Variants in TNFSF11 observed in about 807,000 individuals in gnomAD.
TNFSF11 encodes the protein tumor necrosis factor ligand superfamily member 11.
TNFSF11 carries 12 observed loss-of-function variants against 32.2 expected under a neutral mutation model. That is an observed-to-expected ratio of 0.37 (90% CI 0.24 to 0.60). TNFSF11 has a LOEUF of 0.60. Among genes scored for constraint, TNFSF11 ranks in the 20% least tolerant of loss-of-function variants. TNFSF11 has a pLI of 0.66. For synonymous variants in TNFSF11, 172 were observed against 152.1 expected, an observed-to-expected ratio of 1.13 and a Z score of -0.96; for missense variants, 345 against 398.0, an observed-to-expected ratio of 0.87 and a Z score of 1.13.
upstream of TNFSF11, among the ~76,000 whole-genome samples, chr13:42,573,651 T>C (rs1873151265): frequency 1.3e-5 from 2 of 152,160 alleles, no homozygotes; most frequent in Non-Finnish European, 2.9e-5. Context: ...GGGAAGGGGA[T>C]TGTGAAATTT....
At chr13:42,580,218 C>T (rs374815735) in intron 1 of TNFSF11, among the ~76,000 whole-genome samples, 5 of 152,240 alleles carry the variant, frequency 3.3e-5, no homozygotes, top group African/African-American at 9.6e-5. Context: ...TTATTGTTAC[C>T]CTTTACTTCA....
In TNFSF11 at chr13:42,606,866, C is replaced by T. The variant is rs1451082554; in HGVS notation, c.902C>T (p.Pro301Leu). ...GTCTCCAACCCCTCCTTACTGGATC[C>T]GGATCAGGATGCAACATACTTTGGG... The part of the protein sequence containing the change: ...IEVSNPSLLD[P>L]DQDATYFGAF... Residue 301 changes from proline (P) to leucine (L), a missense_variant, in exon 5 of 5, where the codon CCG (proline) becomes CTG (leucine). This residue lies in a region of TNFSF11 where 148 missense variants were observed against 216.0 expected (regional missense o/e 0.69). Coordinates refer to ENST00000398795, the MANE Select transcript of TNFSF11 (RefSeq NM_003701.4). 4 of 1,613,986 alleles carry T rather than the reference C, an allele frequency of 2.5e-6. No individual in the cohort carries two copies. In the African/African-American group the frequency reaches 4.0e-5, roughly 16 times the overall value.
At chr13:42,592,110 C>A (rs986010122) in intron 2 of TNFSF11, among the ~76,000 whole-genome samples, 1 of 152,152 alleles carries the variant, frequency 6.6e-6, no homozygotes, top group Non-Finnish European at 1.5e-5. Context: ...AAATATGTGG[C>A]GTTTGCCCTC....
chr13:42,606,305 A>G (rs1869448025), intron 4 of TNFSF11, among the ~76,000 whole-genome samples, 192 bp from the exon 5 acceptor site: 1 of 152,218 alleles, frequency 6.6e-6, no homozygotes, highest in African/African-American at 2.4e-5. Flanking sequence ...CGTAGCCTCT[A>G]CTGTGCCTAA....
At chr13:42,575,911 T>G (rs1288684907) in intron 1 of TNFSF11, among the ~76,000 whole-genome samples, 1 of 152,224 alleles carries the variant, frequency 6.6e-6, no homozygotes. Context: ...ATCCAGCATT[T>G]TGTTAATAAC....
intron 4 of TNFSF11, among the ~76,000 whole-genome samples, chr13:42,605,356 T>C (rs1869399408): frequency 6.6e-6 from 1 of 152,212 alleles, no homozygotes; most frequent in Non-Finnish European, 1.5e-5. Context: ...AGTATAAGTA[T>C]TTACAAAATC....
intron 4 of TNFSF11, among the ~76,000 whole-genome samples, chr13:42,603,570 T>C (rs751236011): frequency 9.2e-5 from 14 of 152,168 alleles, no homozygotes; most frequent in Non-Finnish European, 1.3e-4. Flanking sequence ...TTGCTCAGTT[T>C]CCTTCACTGA....
In TNFSF11 at chr13:42,606,723, T is replaced by C. The variant is rs1221447725; in HGVS notation, c.759T>C (p.His253=). 1.2e-6 allele frequency: 2 copies of C among 1,614,106 alleles called. No homozygotes were observed. The highest frequency in any genetic ancestry group is 4.5e-5 in the East Asian group (2 of 44,894). Residue 253 remains histidine (H), a synonymous_variant, in exon 5 of 5, where the codon CAT becomes CAC. Transcript: ENST00000398795. ...CCAGCATCAAAATCCCAAGTTCTCA[T>C]ACCCTGATGAAAGGAGGAAGCACCA... ...TKTSIKIPSS[H]TLMKGGSTKY...
chr13:42,596,025 T>G (rs918018134), intron 2 of TNFSF11, among the ~76,000 whole-genome samples: 4 of 152,128 alleles, frequency 2.6e-5, no homozygotes, highest in African/African-American at 9.7e-5. Flanking sequence ...TGGGGTGAAG[T>G]TTGGGTTCGT....
At chr13:42,589,854 T>A (rs937741240) in intron 2 of TNFSF11, among the ~76,000 whole-genome samples, 2 of 152,248 alleles carry the variant, frequency 1.3e-5, no homozygotes, top group Admixed American at 1.3e-4. Flanking sequence ...AATGGATGAA[T>A]GAATGATGAG....
chr13:42,578,064 C>A (rs1873407523), intron 1 of TNFSF11, among the ~76,000 whole-genome samples: 1 of 152,224 alleles, frequency 6.6e-6, no homozygotes, highest in South Asian at 2.1e-4. Context: ...TGCACACCAC[C>A]TTATTCATAG....
chr13:42,568,201 C>A (rs1872937225), intron 2 of TNFSF11, among the ~76,000 whole-genome samples: 1 of 152,212 alleles, frequency 6.6e-6, no homozygotes, highest in South Asian at 2.1e-4. Context: ...CATGCTTACA[C>A]CCTTTCATGA....
At chr13:42,585,641 TC>T (rs1873857201) in intron 2 of TNFSF11, among the ~76,000 whole-genome samples, 2 of 152,196 alleles carry the variant, frequency 1.3e-5, no homozygotes, top group Non-Finnish European at 2.9e-5. Flanking sequence ...TTTGGCAGCC[TC>T]CCTGCTTCTG....
chr13:42,593,492 C>T (rs1023181136), intron 2 of TNFSF11, among the ~76,000 whole-genome samples: 40 of 152,072 alleles, frequency 2.6e-4, no homozygotes, highest in Non-Finnish European at 2.1e-4. Context: ...ATGATGAAAA[C>T]TTGAAGGAAG....
intron 2 of TNFSF11, among the ~76,000 whole-genome samples, chr13:42,566,976 A>G (rs1055304434): frequency 1.3e-5 from 2 of 149,502 alleles, no homozygotes; most frequent in African/African-American, 5.0e-5. Context: ...TTGGTGACAG[A>G]GAAGGACTCT....
intron 2 of TNFSF11, among the ~76,000 whole-genome samples, chr13:42,581,750 A>G (rs1873628756): frequency 6.6e-6 from 1 of 151,926 alleles, no homozygotes; most frequent in South Asian, 2.1e-4. Flanking sequence ...AGCAGTTGTA[A>G]CTCTTGGTCC....
rs118181908 is a variant in TNFSF11 at position 42,585,041 on chromosome 13, C to T, written c.387+3748C>T. On this transcript the variant is annotated intron_variant, in intron 2 of 4. Coordinates refer to ENST00000398795, the MANE Select transcript of TNFSF11 (RefSeq NM_003701.4). Reference sequence around the variant, plus strand: ...TTAAGTGCACGTAATGTGCTAGGCACCTTGCCATGTCTTTCCCTATGCCCA... The same window carrying T: ...TTAAGTGCACGTAATGTGCTAGGCATCTTGCCATGTCTTTCCCTATGCCCA... 8.0e-3 allele frequency among the ~76,000 whole-genome samples: 1,220 copies of T among 152,294 alleles called. 11 individuals carry two copies. The highest frequency in any genetic ancestry group is 0.012 in the Non-Finnish European group (799 of 68,012).
At position 42,606,463 on chromosome 13, in the gene TNFSF11, T is replaced by A. The variant is rs76238184; in HGVS notation, c.533-34T>A. 5.3e-3 allele frequency: 8,524 copies of A among 1,613,974 alleles called. 371 individuals are homozygous for A. The African/African-American group carries it at 0.1, about 19-fold the overall frequency. ...GAAGACGTCCTTCTCATTTAAGGAC[T>A]GACTTTCAAATCTTATGCCTCTCTT... On this transcript the variant is annotated intron_variant, in intron 4 of 4. Coordinates refer to ENST00000398795, the MANE Select transcript of TNFSF11 (RefSeq NM_003701.4).
chr13:42,591,006 T>C (rs17063458), intron 2 of TNFSF11, among the ~76,000 whole-genome samples: 1 of 152,132 alleles, frequency 6.6e-6, no homozygotes, highest in Non-Finnish European at 1.5e-5. Flanking sequence ...TTGGAAGAAA[T>C]GATCCACCAG....
Sources: gnomAD v4.1 joint callset for allele counts (sites outside exome capture counted in the v4.1 genomes callset) on GRCh38, gnomAD v4.1.1 for gene constraint, gnomAD v4.1.1 regional missense constraint, MANE v1.5 for transcripts, NCBI Gene and HGNC (gene_info 2026-07-23, HGNC 2026-07-21) for gene names.